Variants in ALDH3B1 observed in about 807,000 individuals in gnomAD.
ALDH3B1 encodes aldehyde dehydrogenase family 3 member B1.
A neutral mutation model predicts 46.2 loss-of-function variants in ALDH3B1; 37 were observed. That is an observed-to-expected ratio of 0.80 (90% CI 0.62 to 1.05). The LOEUF is 1.05. Among genes scored for constraint, ALDH3B1 ranks in the 50% least tolerant of loss-of-function variants. ALDH3B1 has a pLI of 0.00. For missense variants in ALDH3B1, 603 were observed against 665.5 expected, an observed-to-expected ratio of 0.91 and a Z score of 1.03; for synonymous variants, 283 against 281.0, an observed-to-expected ratio of 1.01 and a Z score of -0.07.
intron 6 of ALDH3B1, among the ~76,000 whole-genome samples, chr11:68,020,547 G>A (rs1450243804): frequency 6.6e-6 from 1 of 152,222 alleles, no homozygotes; most frequent in Non-Finnish European, 1.5e-5. Flanking sequence ...GAGTTTTTGA[G>A]CTAGGGAGGG....
Position 68,028,193 on chromosome 11 carries a change from G to A in ALDH3B1, c.*254G>A, listed in dbSNP as rs558677709. On this transcript the variant is annotated 3_prime_UTR_variant, in exon 10 of 10. Coordinates refer to ENST00000342456, the MANE Select transcript of ALDH3B1 (RefSeq NM_000694.4). ...GTGCAGTGACTCACCCCCTGCCCCCGCACCAACCACCCATATTCAGGAGAA... is the reference window on the plus strand; with the variant it reads ...GTGCAGTGACTCACCCCCTGCCCCCACACCAACCACCCATATTCAGGAGAA... 5.0e-5 allele frequency: 34 copies of A among 673,712 alleles called. No individual in the cohort carries two copies. The highest frequency in any genetic ancestry group is 7.0e-5 in the African/African-American group (4 of 56,984). The allele number at this position is 673,712 out of a possible 1,614,324, so 41.7% of individuals were successfully genotyped here. A position where few individuals can be genotyped will look rare whatever the true frequency, so the allele number is the denominator to read the frequency against.
At chr11:68,016,621 C>T (rs1857356544) in intron 2 of ALDH3B1, 1 of 153,296 alleles carries the variant, frequency 6.5e-6, no homozygotes, top group African/African-American at 2.4e-5. Flanking sequence ...GGACACCTGC[C>T]CCTGCCTCAG....
Position 68,015,308 on chromosome 11 carries a change from T to C in ALDH3B1, c.11T>C (p.Leu4Pro), listed in dbSNP as rs1857322903. The change falls in exon 2 of 10, where the codon CTT becomes CCT. Residue 4 changes from leucine (L) to proline (P), a missense_variant. Leu to Pro is a moderately conservative substitution (Grantham distance 98). Transcript: ENST00000342456. MDP[L>P]GDTLRRLREA... ...ACCCCATCTGGCAGGATGGACCCCCTTGGGGACACGCTGCGGCGACTGCGG... is the reference window on the plus strand; with the variant it reads ...ACCCCATCTGGCAGGATGGACCCCCCTGGGGACACGCTGCGGCGACTGCGG... 1.3e-6 allele frequency: 2 copies of C among 1,501,674 alleles called. No individual in the cohort carries two copies. The highest frequency in any genetic ancestry group is 1.3e-5 in the South Asian group (1 of 75,824). The allele number at this position is 1,501,674 out of a possible 1,614,324, so 93.0% of individuals were successfully genotyped here. A position where few individuals can be genotyped will look rare whatever the true frequency, so the allele number is the denominator to read the frequency against.
At chr11:68,023,503 C>T (rs759439070) in intron 8 of ALDH3B1, among the ~76,000 whole-genome samples, 1 of 151,800 alleles carries the variant, frequency 6.6e-6, no homozygotes, top group Non-Finnish European at 1.5e-5. Context: ...TGGGGTTTTG[C>T]CACATTGGTC....
intron 2 of ALDH3B1, 77 bp from the exon 3 acceptor site, chr11:68,018,450 C>T: frequency 2.4e-5 from 26 of 1,091,740 alleles, no homozygotes; most frequent in Non-Finnish European, 3.4e-5. Context: ...TGGAAGCAGG[C>T]CCTGCCTGGA....
At position 68,019,720 on chromosome 11, in the gene ALDH3B1, C is replaced by T. The variant is rs1436859836; in HGVS notation, c.486C>T (p.Cys162=). 3 of 1,613,948 alleles carry T rather than the reference C, an allele frequency of 1.9e-6. No individual in the cohort carries two copies. The highest frequency in any genetic ancestry group is 1.1e-5 in the South Asian group (1 of 91,086). The stretch of plus-strand genomic sequence containing the variant: ...TCACCCATCCCGCCTTGCAGAGCTG[C>T]TTTGCTGTGGTGCTGGGCGGGCCCC... ...EVLPQYVDQS[C]FAVVLGGPQE... The change falls in exon 6 of 10, where the codon TGC becomes TGT. Residue 162 remains cysteine, a synonymous_variant. Transcript: ENST00000342456.
chr11:68,014,125 C>T lies in ALDH3B1; in HGVS notation c.-1-1172C>T, dbSNP rs529891831. 1.6e-3 allele frequency among the ~76,000 whole-genome samples: 243 copies of T among 152,304 alleles called. No homozygotes were observed. In the Middle Eastern group the frequency reaches 0.017, roughly 11 times the overall value. Reference sequence around the variant, plus strand: ...TAGCTGGCAGGTGCCATCATTACACCGGTAACATGAGAGGCTTCAAGCACT... The same window carrying T: ...TAGCTGGCAGGTGCCATCATTACACTGGTAACATGAGAGGCTTCAAGCACT... On this transcript the variant is annotated intron_variant, in intron 1 of 9. Coordinates refer to ENST00000342456, the MANE Select transcript of ALDH3B1 (RefSeq NM_000694.4).
chr11:68,021,985 G>C, intron 7 of ALDH3B1, 114 bp downstream of exon 7: 1 of 1,491,338 alleles, frequency 6.7e-7, no homozygotes. Flanking sequence ...CCCACTGCCA[G>C]AGCCCGGCCT....
intron 4 of ALDH3B1, 85 bp from the exon 5 acceptor site, chr11:68,019,085 G>A: frequency 2.7e-6 from 4 of 1,496,878 alleles, no homozygotes; most frequent in African/African-American, 1.4e-5. Context: ...CTGAAAGTGG[G>A]TGAGGCTGAT....
Position 68,021,793 on chromosome 11 carries a change from T to A in ALDH3B1, c.871T>A (p.Phe291Ile). The change falls in exon 7 of 10, where the codon TTC becomes ATC. Residue 291 changes from phenylalanine to isoleucine, a missense_variant. Phe to Ile is a conservative substitution (Grantham distance 21). Transcript: ENST00000342456. Reference sequence around the variant, plus strand: ...GGGCCGCATCATCAACCAGAAACAGTTCCAGCGGCTGCGGGCATTGCTGGG... The same window carrying A: ...GGGCCGCATCATCAACCAGAAACAGATCCAGCGGCTGCGGGCATTGCTGGG... ...NLGRIINQKQ[F>I]QRLRALLGCG... is the part of the protein sequence containing the mutation. 6.2e-7 allele frequency: 1 copy of A among 1,614,060 alleles called. No homozygotes were observed. The highest frequency in any genetic ancestry group is 8.5e-7 in the Non-Finnish European group (1 of 1,179,984).
intron 1 of ALDH3B1, among the ~76,000 whole-genome samples, chr11:68,014,706 T>C (rs1857303810): frequency 6.6e-6 from 1 of 152,074 alleles, no homozygotes; most frequent in Admixed American, 6.5e-5. Flanking sequence ...GAGAAGAGGC[T>C]ATTGCCCACT....
At chr11:68,015,943 G>A in intron 2 of ALDH3B1, 1 of 286,050 alleles carries the variant, frequency 3.5e-6, no homozygotes, top group Non-Finnish European at 6.9e-6. Flanking sequence ...GTGGGCACCT[G>A]TAATCCCAGC....
At chr11:68,012,691 C>T (rs577188116) in intron 1 of ALDH3B1, among the ~76,000 whole-genome samples, 2 of 152,334 alleles carry the variant, frequency 1.3e-5, no homozygotes, top group East Asian at 1.9e-4. Flanking sequence ...ACCCCTCCCA[C>T]AGCTGGCCTA....
At chr11:68,012,537 C>T (rs1174131066) in intron 1 of ALDH3B1, among the ~76,000 whole-genome samples, 1 of 152,236 alleles carries the variant, frequency 6.6e-6, no homozygotes, top group Non-Finnish European at 1.5e-5. Context: ...GCCCATCAGC[C>T]CCTGGACCTC....
chr11:68,010,034 C>T (rs1226731064), upstream of ALDH3B1, among the ~76,000 whole-genome samples: 1 of 152,196 alleles, frequency 6.6e-6, no homozygotes, highest in African/African-American at 2.4e-5. Context: ...CCCCACTCCT[C>T]CTCCTCAGGC....
intron 8 of ALDH3B1, chr11:68,024,887 C>T (rs1008049053): frequency 2.0e-5 from 3 of 152,178 alleles, no homozygotes; most frequent in Admixed American, 6.5e-5. Context: ...GTCTGAGGCT[C>T]GGGCTCAGAA....
chr11:68,024,953 G>A (rs1857588163), intron 8 of ALDH3B1: 1 of 152,186 alleles, frequency 6.6e-6, no homozygotes, highest in South Asian at 2.1e-4. Context: ...CCCCTCTGGT[G>A]CTACAAGCAG....
chr11:68,028,143 G>T lies in ALDH3B1; in HGVS notation c.*204G>T. ...CCCTCAGCCGCTCCCAACCATGAGA[G>T]CCGAGGTGGGAGGCATGGGAAACAG... On this transcript the variant is annotated 3_prime_UTR_variant, in exon 10 of 10. Transcript: ENST00000342456. 1.3e-6 allele frequency: 1 copy of T among 787,720 alleles called. No individual in the cohort carries two copies. Among genetic ancestry groups the T allele is most frequent in the East Asian group, 2.5e-5 (1 of 40,684 alleles). 48.8% of individuals were successfully genotyped at this position (787,720 alleles called of 1,614,324 possible).
At chr11:68,025,555 C>T (rs529565455) in intron 8 of ALDH3B1, among the ~76,000 whole-genome samples, 32 of 152,302 alleles carry the variant, frequency 2.1e-4, no homozygotes, top group Non-Finnish European at 4.1e-4. Flanking sequence ...GTTCACACCA[C>T]ACAGCTCTTC....
Sources: gnomAD v4.1 joint callset for allele counts (sites outside exome capture counted in the v4.1 genomes callset) on GRCh38, gnomAD v4.1.1 for gene constraint, MANE v1.5 for transcripts, NCBI Gene and HGNC (gene_info 2026-07-23, HGNC 2026-07-21) for gene names.